Variants in ESRP2 observed in about 807,000 individuals in gnomAD.
The protein encoded by ESRP2 is RNA binding motif protein 35A.
Under a neutral mutation model 78.6 loss-of-function variants are expected in ESRP2, and 48 were observed. The observed-to-expected ratio is 0.61, with a 90% CI of 0.48 to 0.78. ESRP2 has a LOEUF of 0.78. Ranked by LOEUF, ESRP2 falls within the 30% of genes least tolerant of loss-of-function variation. The pLI is 0.00. For synonymous variants in ESRP2, 383 were observed against 406.7 expected, an observed-to-expected ratio of 0.94 and a Z score of 0.70; for missense variants, 863 against 965.9, an observed-to-expected ratio of 0.89 and a Z score of 1.41.
Position 68,231,397 on chromosome 16 carries a change from G to T in ESRP2, c.1513-21C>A. The T allele has an allele frequency of 6.2e-7, 1 of 1,614,040 alleles. No individual in the cohort carries two copies. The highest frequency in any genetic ancestry group is 8.5e-7 in the Non-Finnish European group (1 of 1,179,970). Reference sequence around the variant, plus strand: ...CGGCCCTGTGCACACCATCTTGTGAGCAGTTTGTCATGTGTAAGAGTGCCT... The same window carrying T: ...CGGCCCTGTGCACACCATCTTGTGATCAGTTTGTCATGTGTAAGAGTGCCT... On this transcript the variant is annotated intron_variant, in intron 11 of 14. Transcript: ENST00000473183. The surrounding 1 kb of genome is among the most constrained non-coding windows in gnomAD (Gnocchi z 6.0).
chr16:68,232,578 T>C lies in ESRP2; in HGVS notation c.820A>G (p.Arg274Gly). 6.2e-7 allele frequency: 1 copy of C among 1,612,830 alleles called. No individual in the cohort carries two copies. Among genetic ancestry groups the C allele is most frequent in the African/African-American group, 1.3e-5 (1 of 75,016 alleles). ...GCCCACCCACCCTGCCACACCCACC[T>C]GGCCACGTTGAGCCCTTTGAAGAAG... ...ARFFKGLNVA[R>G]GGVALCLNAQ... Residue 274 changes from arginine to glycine, a missense_variant and splice_region_variant, in exon 7 of 15, where the codon AGG (arginine) becomes GGG (glycine). Coordinates refer to ENST00000473183, the MANE Select transcript of ESRP2 (RefSeq NM_024939.3). This position sits in a 1 kb window ranked among gnomAD's most constrained non-coding sequence, Gnocchi z 5.2.
Position 68,232,139 on chromosome 16 carries a change from C to T in ESRP2, c.998-36G>A, listed in dbSNP as rs757304646. The T allele has an allele frequency of 4.8e-5, 77 of 1,610,044 alleles. No individual in the cohort carries two copies. Among genetic ancestry groups the T allele is most frequent in the Non-Finnish European group, 6.4e-5 (75 of 1,177,382 alleles). Reference sequence around the variant, plus strand: ...GAGTCGCCTGCTGACTTCACTCATGCTCCTCCAGACACTCACCCATGCAGG... The same window carrying T: ...GAGTCGCCTGCTGACTTCACTCATGTTCCTCCAGACACTCACCCATGCAGG... On this transcript the variant is annotated intron_variant, in intron 9 of 14. Transcript: ENST00000473183. The surrounding 1 kb of genome is among the most constrained non-coding windows in gnomAD (Gnocchi z 5.2).
rs1211632214 is a variant in ESRP2 at position 68,231,985 on chromosome 16, G to A, written c.1116C>T (p.Cys372=). Residue 372 remains cysteine, a synonymous_variant, in exon 10 of 15, where the codon TGC becomes TGT. Transcript: ENST00000473183. This position sits in a 1 kb window ranked among gnomAD's most constrained non-coding sequence, Gnocchi z 6.0. ...TDVLGFLGPE[C]PVTGGTEGLL... ...GCCCCTCGGTACCCCCAGTCACTGG[G>A]CACTCTGGCCCCAGGAAGCCAAGCA... is the stretch of plus-strand genomic sequence containing the variant. 2 of 1,613,914 alleles carry A rather than the reference G, an allele frequency of 1.2e-6. No homozygotes were observed. Among genetic ancestry groups the A allele is most frequent in the East Asian group, 4.5e-5 (2 of 44,888 alleles).
chr16:68,234,952 C>G (rs2151196389), intron 2 of ESRP2: 2 of 192,026 alleles, frequency 1.0e-5, no homozygotes, highest in East Asian at 1.9e-4. Context: ...ATAAAAAGGA[C>G]TTACACTAAT....
At chr16:68,234,817 TCTC>T (rs1222794242) in intron 2 of ESRP2, 1 of 152,052 alleles carries the variant, frequency 6.6e-6, no homozygotes, top group Non-Finnish European at 1.5e-5. Flanking sequence ...GCAACCCAGC[TCTC>T]CTCCAGCAAA....
intron 4 of ESRP2, 49 bp from the exon 5 acceptor site, chr16:68,233,474 C>T (rs763690391): frequency 4.4e-6 from 6 of 1,378,068 alleles, no homozygotes; most frequent in Middle Eastern, 1.8e-4. Context: ...AAGCACTAAT[C>T]CTGTTTACTC....
Position 68,235,547 on chromosome 16 carries a change from G to C in ESRP2, c.327+87C>G. The C allele has an allele frequency of 1.3e-6, 2 of 1,541,308 alleles. No homozygotes were observed. Among genetic ancestry groups the C allele is most frequent in the Non-Finnish European group, 1.7e-6 (2 of 1,154,062 alleles). The stretch of plus-strand genomic sequence containing the variant: ...CCTGCCGCCTGGACCGGTTGGTTGC[G>C]GCACGCCAGGCCTAGCCTCCGGCCG... On this transcript the variant is annotated intron_variant, in intron 2 of 14. Coordinates refer to ENST00000473183, the MANE Select transcript of ESRP2 (RefSeq NM_024939.3). The surrounding 1 kb of genome is among the most constrained non-coding windows in gnomAD (Gnocchi z 5.5).
rs748133000 is a variant in ESRP2 at position 68,235,919 on chromosome 16, G to A, written c.127C>T (p.Arg43Trp). Reference protein sequence around the residue: ...LFGATAGALGRDLGSDETDLI... With the variant: ...LFGATAGALGWDLGSDETDLI... ...TCGGTCTCGTCCGAGCCCAGGTCCCGTCCCAGCGCACCCGCCGTAGCCCCG... is the reference window on the plus strand; with the variant it reads ...TCGGTCTCGTCCGAGCCCAGGTCCCATCCCAGCGCACCCGCCGTAGCCCCG... Residue 43 changes from arginine to tryptophan, a missense_variant, in exon 1 of 15, where the codon CGG (arginine) becomes TGG (tryptophan). Physicochemically the swap from Arg to Trp is moderately radical, Grantham distance 101. Coordinates refer to ENST00000473183, the MANE Select transcript of ESRP2 (RefSeq NM_024939.3). The surrounding 1 kb of genome is among the most constrained non-coding windows in gnomAD (Gnocchi z 5.5). 3.1e-6 allele frequency: 5 copies of A among 1,605,988 alleles called. No homozygotes were observed. In the African/African-American group the frequency reaches 6.7e-5, roughly 21 times the overall value.
rs199541072 is a variant in ESRP2 at position 68,231,795 on chromosome 16, C to T, written c.1299+7G>A. 4,983 of 1,606,484 alleles carry T rather than the reference C, an allele frequency of 3.1e-3. 12 individuals are homozygous for T. The highest frequency in any genetic ancestry group is 5.6e-3 in the Middle Eastern group (34 of 6,038). On this transcript the variant is annotated splice_region_variant and intron_variant, in intron 10 of 14. Transcript: ENST00000473183. The surrounding 1 kb of genome is among the most constrained non-coding windows in gnomAD (Gnocchi z 6.0). ...ACATCTGGGGGTGGGGAGCCCTGGG[C>T]GCTCACCTGCTGCACTTCGGCTGCA...
rs373317555 is a variant in ESRP2 at position 68,231,772 on chromosome 16, A to T, written c.1299+30T>A. 6.2e-7 allele frequency: 1 copy of T among 1,603,072 alleles called. No homozygotes were observed. Among genetic ancestry groups the T allele is most frequent in the Non-Finnish European group, 8.5e-7 (1 of 1,172,132 alleles). On this transcript the variant is annotated intron_variant, in intron 10 of 14. Coordinates refer to ENST00000473183, the MANE Select transcript of ESRP2 (RefSeq NM_024939.3). The surrounding 1 kb of genome is among the most constrained non-coding windows in gnomAD (Gnocchi z 6.0). ...GAGGGCCGCCCTGGAGTAACAGTAC[A>T]TCTGGGGGTGGGGAGCCCTGGGCGC...
Position 68,235,700 on chromosome 16 carries a change from G to C in ESRP2, c.261C>G (p.Arg87=). The change falls in exon 2 of 15, where the codon CGC becomes CGG. Residue 87 remains arginine (R), a synonymous_variant. Transcript: ENST00000473183. The surrounding 1 kb of genome is among the most constrained non-coding windows in gnomAD (Gnocchi z 5.5). ...AEAAALSTQC[R]EASGLSADSL... is the part of the protein sequence containing the mutation. ...TGTCGGCGCTCAGGCCGCTCGCCTC[G>C]CGGCACTGCGTACTCAGTGCGGCCG... The C allele has an allele frequency of 6.2e-7, 1 of 1,601,716 alleles. No individual in the cohort carries two copies. Among genetic ancestry groups the C allele is most frequent in the Non-Finnish European group, 8.5e-7 (1 of 1,178,482 alleles).
Position 68,231,268 on chromosome 16 carries a change from C to T in ESRP2, c.1621G>A (p.Val541Ile). 1 of 1,614,104 alleles carries T rather than the reference C, an allele frequency of 6.2e-7. No individual in the cohort carries two copies. The highest frequency in any genetic ancestry group is 1.6e-4 in the Middle Eastern group (1 of 6,062). Residue 541 changes from valine to isoleucine, a missense_variant, in exon 12 of 15, where the codon GTC becomes ATC. Physicochemically the swap from Val to Ile is conservative, Grantham distance 29 (BLOSUM62 3). Transcript: ENST00000473183. This position sits in a 1 kb window ranked among gnomAD's most constrained non-coding sequence, Gnocchi z 6.0. ...KVMKERYVEV[V>I]PCSTEEMSRV... ...CTCATCTCCTCTGTGGAACAGGGGACCACCTCCACGTAGCGCTCCTTCATC... is the reference window on the plus strand; with the variant it reads ...CTCATCTCCTCTGTGGAACAGGGGATCACCTCCACGTAGCGCTCCTTCATC...
Position 68,233,837 on chromosome 16 carries a change from T to G in ESRP2, c.487A>C (p.Arg163=). 3.7e-6 allele frequency: 6 copies of G among 1,614,076 alleles called. No individual in the cohort carries two copies. The highest frequency in any genetic ancestry group is 5.1e-6 in the Non-Finnish European group (6 of 1,180,006). ...CTTGGATGCTGCATATGGAATTCTC[T>G]TCGGAGGTCATAGAAGGAGAAGAAC... ...DMFFSFYDLR[R]EFHMQHPSTC... Residue 163 remains arginine, a synonymous_variant, in exon 4 of 15, where the codon AGA becomes CGA. Transcript: ENST00000473183.
In ESRP2 at chr16:68,230,486, G is replaced by T. The variant is rs777034822; in HGVS notation, c.1967C>A (p.Thr656Asn). Residue 656 changes from threonine to asparagine, a missense_variant, in exon 14 of 15, where the codon ACC becomes AAC. Physicochemically the swap from Thr to Asn is moderately conservative, Grantham distance 65. Transcript: ENST00000473183. ...GGCTCCTGACTGGGACAACACTGAG[G>T]TGGGAGCAGAGGCCAGGGCAGCAGT... ...TPTAALASAP[T>N]SVLSQSGALV... 7 of 1,611,490 alleles carry T rather than the reference G, an allele frequency of 4.3e-6. No individual in the cohort carries two copies. In the South Asian group the frequency reaches 5.5e-5, roughly 13 times the overall value.
At chr16:68,230,647 AATTCAGTTCCTCC>A (rs1209285440) in intron 13 of ESRP2, 93 bp from the exon 14 acceptor site, 11 of 1,464,814 alleles carry the variant, frequency 7.5e-6, no homozygotes, top group Non-Finnish European at 9.2e-6. Context: ...CCTTGTGCTT[AATTCAGTTCCTCC>A]CTGAAGCCCC....
rs1359858005 is a variant in ESRP2, at chr16:68,231,159, T to C, written c.1711+19A>G. ...GGCTACCACAGGCCTCCTCCTCCCC[T>C]AGCCCCTAGGGCACTCACAGGGCAG... is the stretch of plus-strand genomic sequence containing the variant. On this transcript the variant is annotated intron_variant, in intron 12 of 14. Coordinates refer to ENST00000473183, the MANE Select transcript of ESRP2 (RefSeq NM_024939.3). The surrounding 1 kb of genome is among the most constrained non-coding windows in gnomAD (Gnocchi z 6.0). 6.2e-7 allele frequency: 1 copy of C among 1,612,612 alleles called. No homozygotes were observed.
Position 68,232,244 on chromosome 16 carries a change from AC to A in ESRP2, c.997+1del. ...GCCAGGCCCTGTTTGCAGTATACTC[AC>A]CCCCTGCAATCTTTACAAACTCCTC... On this transcript the variant is annotated splice_donor_variant, in intron 9 of 14. Transcript: ENST00000473183. LOFTEE classifies it high-confidence loss of function. The surrounding 1 kb of genome is among the most constrained non-coding windows in gnomAD (Gnocchi z 5.2). 2 of 1,613,834 alleles carry A rather than the reference AC, an allele frequency of 1.2e-6. No homozygotes were observed. Among genetic ancestry groups the A allele is most frequent in the Non-Finnish European group, 1.7e-6 (2 of 1,179,934 alleles).
At position 68,231,062 on chromosome 16, in the gene ESRP2, G is replaced by T. The variant is rs1295309815; in HGVS notation, c.1712-35C>A. 3 of 1,590,598 alleles carry T rather than the reference G, an allele frequency of 1.9e-6. No homozygotes were observed. In the Admixed American group the frequency reaches 5.1e-5, roughly 27 times the overall value. On this transcript the variant is annotated intron_variant, in intron 12 of 14. Transcript: ENST00000473183. This position sits in a 1 kb window ranked among gnomAD's most constrained non-coding sequence, Gnocchi z 6.0. ...GAAGTAGAAAGTGCATGTGCACGGA[G>T]CCCAGCACTGCCCTGGGTGGGGTAG...
In ESRP2 at chr16:68,231,043, G is replaced by A. The variant is rs888716792; in HGVS notation, c.1712-16C>T. On this transcript the variant is annotated splice_polypyrimidine_tract_variant and intron_variant, in intron 12 of 14. Transcript: ENST00000473183. The surrounding 1 kb of genome is among the most constrained non-coding windows in gnomAD (Gnocchi z 6.0). Reference sequence around the variant, plus strand: ...GGTGAGAGGCCTAGAGACGGAAGTAGAAAGTGCATGTGCACGGAGCCCAGC... The same window carrying A: ...GGTGAGAGGCCTAGAGACGGAAGTAAAAAGTGCATGTGCACGGAGCCCAGC... The A allele has an allele frequency of 4.4e-6, 7 of 1,588,730 alleles. No individual in the cohort carries two copies. The highest frequency in any genetic ancestry group is 6.0e-6 in the Non-Finnish European group (7 of 1,166,716).
Sources: gnomAD v4.1 joint callset for allele counts on GRCh38, gnomAD v4.1.1 for gene constraint, Gnocchi (gnomAD v3.1) non-coding constraint, MANE v1.5 for transcripts, NCBI Gene and HGNC (gene_info 2026-07-23, HGNC 2026-07-21) for gene names.